The following ARL10 variants were observed in gnomAD, a reference collection of about 807,000 sequenced individuals.
The protein encoded by ARL10 is ADP-ribosylation factor-like protein 10.
Under a neutral mutation model 26.1 loss-of-function variants are expected in ARL10, and 23 were observed. The ratio of observed to expected loss-of-function variants is 0.88; its 90% CI spans 0.63 to 1.25. The LOEUF (loss-of-function observed/expected upper bound fraction) is 1.25. Among genes scored for constraint, ARL10 ranks in the 50% most tolerant of loss-of-function variants. The pLI, the probability that ARL10 is intolerant of heterozygous loss-of-function variation, is 0.00. For synonymous variants in ARL10, 138 were observed against 149.1 expected (o/e 0.93, Z 0.54); for missense variants, 300 against 323.6 (o/e 0.93, Z 0.56).
rs901196090 is a variant in ARL10, at chr5:176,368,258, T to G, written c.386-549T>G. 2.0e-5 allele frequency among the ~76,000 whole-genome samples: 3 copies of G among 152,092 alleles called. No homozygotes were observed. The highest frequency in any genetic ancestry group is 2.0e-4 in the Admixed American group (3 of 15,270). Reference sequence around the variant, plus strand: ...AAAGAAGGGGATGGGGGAAACTGAATGGAGAATGGCTGTGTATAGGCAGGG... The same window carrying G: ...AAAGAAGGGGATGGGGGAAACTGAAGGGAGAATGGCTGTGTATAGGCAGGG... On this transcript the variant is annotated intron_variant, in intron 2 of 3. Transcript: ENST00000310389. The surrounding 1 kb of genome is among the most constrained non-coding windows in gnomAD (Gnocchi z 4.1).
At chr5:176,407,358 T>C in the ARL10 span, among the ~76,000 whole-genome samples, 1 of 152,156 alleles carries the variant, frequency 6.6e-6, no homozygotes, top group Non-Finnish European at 1.5e-5. Context: ...CAGGCTGGAG[T>C]GCAGTGTGCG....
intron 1 of ARL10, chr5:176,398,078 G>A: frequency 6.3e-7 from 1 of 1,593,934 alleles, no homozygotes; most frequent in South Asian, 1.1e-5. Context: ...AGTCTATCCA[G>A]CCAGCACACC....
At chr5:176,399,823 A>G (rs1465882968) in intron 1 of ARL10, among the ~76,000 whole-genome samples, 1 of 151,614 alleles carries the variant, frequency 6.6e-6, no homozygotes, top group Non-Finnish European at 1.5e-5. Context: ...GATTGCAGTG[A>G]GCAGAGATCG....
chr5:176,402,638 G>T (rs548897886), downstream of ARL10, among the ~76,000 whole-genome samples: 16 of 152,362 alleles, frequency 1.1e-4, no homozygotes, highest in South Asian at 8.3e-4. Context: ...CCAGCACCGG[G>T]AGGGCCTGGC....
chr5:176,374,357 A>G lies in ARL10; in HGVS notation c.*2462A>G, dbSNP rs984233730. On this transcript the variant is annotated 3_prime_UTR_variant, in exon 4 of 4. Transcript: ENST00000310389. ...GACCTCATTATGGAACTCACAGTTT[A>G]CAATGTTAAATCAGTTAGCGGATTC... The G allele has an allele frequency of 1.6e-4, 24 of 152,230 alleles. No homozygotes were observed. Among genetic ancestry groups the G allele is most frequent in the Non-Finnish European group, 1.5e-5 (1 of 68,046 alleles). 9.4% of individuals were successfully genotyped at this position (152,230 alleles called of 1,614,324 possible).
At chr5:176,394,378 G>A (rs1429329708) in intron 1 of ARL10, among the ~76,000 whole-genome samples, 1 of 152,248 alleles carries the variant, frequency 6.6e-6, no homozygotes, top group Non-Finnish European at 1.5e-5. Context: ...TCATAGGCAT[G>A]TGAAAGTTTG....
Position 176,366,594 on chromosome 5 carries a change from C to T in ARL10, c.385+13C>T, listed in dbSNP as rs2113541356. 2 of 1,613,094 alleles carry T rather than the reference C, an allele frequency of 1.2e-6. No individual in the cohort carries two copies. Among genetic ancestry groups the T allele is most frequent in the Non-Finnish European group, 1.7e-6 (2 of 1,179,648 alleles). On this transcript the variant is annotated intron_variant, in intron 2 of 3. Coordinates refer to ENST00000310389, the MANE Select transcript of ARL10 (RefSeq NM_173664.6). ...GACCTGCTAGAAAGTGAGCGGACAC[C>T]CTACCCCATCTCCCCGTCTCCTCTA... is the stretch of plus-strand genomic sequence containing the variant.
At chr5:176,397,540 C>T in intron 1 of ARL10, 2 of 493,254 alleles carry the variant, frequency 4.1e-6, no homozygotes, top group South Asian at 2.0e-5. Context: ...GTCCCCACGG[C>T]CCCCTCATGT....
intron 1 of ARL10, among the ~76,000 whole-genome samples, chr5:176,366,014 C>T (rs1406727852): frequency 6.6e-6 from 1 of 152,142 alleles, no homozygotes; most frequent in Non-Finnish European, 1.5e-5. Flanking sequence ...CAGCGGGGGC[C>T]GGAGTTTGGA....
downstream of ARL10, chr5:176,393,086 G>A: frequency 1.1e-6 from 1 of 907,956 alleles, no homozygotes; most frequent in South Asian, 1.5e-5. This position sits in a 1 kb window ranked among gnomAD's most constrained non-coding sequence, Gnocchi z 4.4. Flanking sequence ...GAGGAGGGCA[G>A]CCTTGGCGCA....
rs1441857287 is a variant in ARL10, at chr5:176,375,549, C to A, written c.*3654C>A. On this transcript the variant is annotated 3_prime_UTR_variant, in exon 4 of 4. Transcript: ENST00000310389. Reference sequence around the variant, plus strand: ...TTTCAAGGTTGGTATTCATTTTAGTCTTTGACCTCTGATTATGGGGACTTT... The same window carrying A: ...TTTCAAGGTTGGTATTCATTTTAGTATTTGACCTCTGATTATGGGGACTTT... 1 of 152,144 alleles carries A rather than the reference C, an allele frequency of 6.6e-6. No individual in the cohort carries two copies. The highest frequency in any genetic ancestry group is 1.5e-5 in the Non-Finnish European group (1 of 68,038). The allele number at this position is 152,144 out of a possible 1,614,324, so 9.4% of individuals were successfully genotyped here.
At chr5:176,392,488 AGT>A (rs1756295711), downstream of ARL10, 1 of 368,580 alleles carries the variant, frequency 2.7e-6, no homozygotes, top group Non-Finnish European at 4.9e-6. This position sits in a 1 kb window ranked among gnomAD's most constrained non-coding sequence, Gnocchi z 5.2. Flanking sequence ...ATAATAAATA[AGT>A]GTAAAAAGAG....
chr5:176,402,813 G>A (rs552658113), downstream of ARL10, among the ~76,000 whole-genome samples: 1 of 152,340 alleles, frequency 6.6e-6, no homozygotes, highest in South Asian at 2.1e-4. Flanking sequence ...GATAAAGAGA[G>A]TGGGGAAGGG....
At chr5:176,389,188 G>A, downstream of ARL10, 1 of 1,111,214 alleles carries the variant, frequency 9.0e-7, no homozygotes, top group Non-Finnish European at 1.3e-6. Flanking sequence ...TCTGTAACTA[G>A]GAAGACCTCG....
At chr5:176,369,778 A>C (rs1052428101) in intron 3 of ARL10, among the ~76,000 whole-genome samples, 1 of 152,032 alleles carries the variant, frequency 6.6e-6, no homozygotes, top group Non-Finnish European at 1.5e-5. Context: ...CAACATGGTG[A>C]AACTCCGTCT....
intron 3 of ARL10, 169 bp downstream of exon 3, chr5:176,369,151 C>G: frequency 6.5e-7 from 1 of 1,534,614 alleles, no homozygotes; most frequent in Non-Finnish European, 8.7e-7. Context: ...CTTCCTTCCT[C>G]TTTGCCTCCC....
the ARL10 span, among the ~76,000 whole-genome samples, chr5:176,407,277 G>C: frequency 6.6e-6 from 1 of 152,154 alleles, no homozygotes; most frequent in Admixed American, 6.5e-5. Context: ...TAATCTTTAG[G>C]AAAGGTAAAT....
In ARL10 at chr5:176,366,609, C is replaced by G. The variant is rs768246399; in HGVS notation, c.385+28C>G. The G allele has an allele frequency of 5.0e-6, 8 of 1,610,898 alleles. No homozygotes were observed. In the South Asian group the frequency reaches 6.6e-5, roughly 13 times the overall value. On this transcript the variant is annotated intron_variant, in intron 2 of 3. Transcript: ENST00000310389. ...GAGCGGACACCCTACCCCATCTCCC[C>G]GTCTCCTCTACTGGACCAGTCCTGG...
chr5:176,401,578 C>A (rs566841664), intron 1 of ARL10, among the ~76,000 whole-genome samples: 1 of 152,302 alleles, frequency 6.6e-6, no homozygotes, highest in Non-Finnish European at 1.5e-5. Flanking sequence ...CATATCTGAG[C>A]ACTGTCTTTA....
Sources: allele counts gnomAD v4.1 joint callset (sites outside exome capture counted in the v4.1 genomes callset), GRCh38; gene constraint gnomAD v4.1.1; non-coding constraint Gnocchi (gnomAD v3.1); transcripts MANE v1.5; gene names NCBI Gene and HGNC (gene_info 2026-07-23, HGNC 2026-07-21).